TNK2: variants seen among roughly 807,000 people sequenced by gnomAD.
TNK2 encodes tyrosine kinase non receptor 2.
Under a neutral mutation model 101.8 loss-of-function variants are expected in TNK2, and 83 were observed. The ratio of observed to expected loss-of-function variants is 0.82; its 90% confidence interval spans 0.68 to 0.98. The LOEUF (loss-of-function observed/expected upper bound fraction) is 0.98, where lower values mean the gene tolerates loss of function less well. Ranked by LOEUF, TNK2 falls within the 50% of genes least tolerant of loss-of-function variation. The probability of loss-of-function intolerance (pLI) is 0.00; values close to 1 mark genes in which losing one functional copy is unlikely to be tolerated. For synonymous variants in TNK2, 804 were observed against 633.0 expected, an observed-to-expected ratio of 1.27 and a Z score of -4.06; for missense variants, 1,665 against 1,483.2, an observed-to-expected ratio of 1.12 and a Z score of -2.01.
intron 1 of TNK2, among the ~76,000 whole-genome samples, chr3:195,890,272 C>G (rs1486443591): frequency 6.6e-6 from 1 of 152,052 alleles, no homozygotes; most frequent in African/African-American, 2.4e-5. Flanking sequence ...TTTGGGGGGG[C>G]CTTAGTGACA....
At chr3:195,897,362 C>CT (rs1410407345) in intron 1 of TNK2, among the ~76,000 whole-genome samples, 1 of 152,236 alleles carries the variant, frequency 6.6e-6, no homozygotes, top group Non-Finnish European at 1.5e-5. Flanking sequence ...CATGACTGTC[C>CT]ATAGTCTCTC....
At position 195,867,620 on chromosome 3, in the gene TNK2, T is replaced by C; in HGVS notation, c.2678A>G (p.Glu893Gly). Residue 893 changes from glutamate (E) to glycine (G), a missense_variant, in exon 13 of 16, where the codon GAG becomes GGG. Glu to Gly is a moderately conservative substitution (Grantham distance 98, BLOSUM62 -2). Transcript: ENST00000672887. Reference sequence around the variant, plus strand: ...GGTAGGCTCCTCGGGGCTCTGGGCCTCACGCAGGAAGCGCTGGTAGCGCTC... The same window carrying C: ...GGTAGGCTCCTCGGGGCTCTGGGCCCCACGCAGGAAGCGCTGGTAGCGCTC... ...YLERYQRFLR[E>G]AQSPEEPTPL... is the part of the protein sequence containing the mutation. The C allele has an allele frequency of 6.3e-7, 1 of 1,599,078 alleles. No individual in the cohort carries two copies. The highest frequency in any genetic ancestry group is 8.5e-7 in the Non-Finnish European group (1 of 1,179,214).
intron 11 of TNK2, 101 bp from the exon 12 acceptor site, chr3:195,869,642 G>T: frequency 8.3e-7 from 1 of 1,198,042 alleles, no homozygotes; most frequent in East Asian, 2.5e-5. Context: ...GAGAGACGAA[G>T]GGAGAGAAGT....
At chr3:195,865,833 G>A (rs1260699649) in intron 15 of TNK2, among the ~76,000 whole-genome samples, 2 of 152,186 alleles carry the variant, frequency 1.3e-5, no homozygotes, top group Admixed American at 6.5e-5. Context: ...GGCGTGCTGG[G>A]CGCAATAAGA....
intron 1 of TNK2, chr3:195,894,715 A>G (rs1188752652): frequency 2.0e-5 from 3 of 152,466 alleles, no homozygotes; most frequent in African/African-American, 7.2e-5. Context: ...CTCCTCGCCC[A>G]GGAAAACAGC....
At chr3:195,902,610 TCC>T (rs1761317128) in intron 1 of TNK2, among the ~76,000 whole-genome samples, 1 of 101,824 alleles carries the variant, frequency 9.8e-6, no homozygotes, top group Admixed American at 1.3e-4. Context: ...AGAGCAAGAC[TCC>T]GTCTCAAAAA....
intron 1 of TNK2, among the ~76,000 whole-genome samples, chr3:195,889,279 T>C (rs747526365): frequency 6.6e-6 from 1 of 152,200 alleles, no homozygotes; most frequent in South Asian, 2.1e-4. Context: ...TCAATGGTTG[T>C]CAGAAGAAAC....
At chr3:195,873,500 CG>C (rs1370539360) in intron 9 of TNK2, among the ~76,000 whole-genome samples, 2 of 151,256 alleles carry the variant, frequency 1.3e-5, no homozygotes, top group Non-Finnish European at 3.0e-5. Context: ...TCTGGGCAGG[CG>C]GGGGCGGTGA....
chr3:195,907,517 G>C (rs1276498857), intron 1 of TNK2, among the ~76,000 whole-genome samples: 7 of 152,182 alleles, frequency 4.6e-5, no homozygotes, highest in Admixed American at 2.0e-4. Context: ...CCCCACCCAG[G>C]GGCAGGGGAA....
chr3:195,867,184 A>G lies in TNK2; in HGVS notation c.3018T>C (p.Ala1006=), dbSNP rs1319267918. ...GTGGCGGTACCTTCAGATACTGGGC[A>G]GCCCTCTGCACGCTCCAGCCGTGGC... ...LQCHGWSVQR[A]AQYLKVEQLF... The change falls in exon 14 of 16, where the codon GCT becomes GCC. Residue 1006 remains alanine (A), a synonymous_variant. Transcript: ENST00000672887. 6.2e-7 allele frequency: 1 copy of G among 1,612,900 alleles called. No individual in the cohort carries two copies. Among genetic ancestry groups the G allele is most frequent in the Non-Finnish European group, 8.5e-7 (1 of 1,179,876 alleles).
At chr3:195,892,266 AGGCCACTT>A in intron 1 of TNK2, 1 of 810,104 alleles carries the variant, frequency 1.2e-6, no homozygotes, top group Non-Finnish European at 1.9e-6. Context: ...GCCGCAGGAG[AGGCCACTT>A]GGCCCGGACT....
At chr3:195,889,513 C>A (rs1377343063) in intron 1 of TNK2, among the ~76,000 whole-genome samples, 1 of 152,164 alleles carries the variant, frequency 6.6e-6, no homozygotes, top group African/African-American at 2.4e-5. Context: ...CTCTGTTGTC[C>A]CTACACGAAT....
In TNK2 at chr3:195,895,568, C is replaced by T. The variant is rs369888995; in HGVS notation, c.-18-6962G>A. ...AGCTCCGTTCCTCCTCTCCGGGGCG[C>T]GGCTCCCACCCTCTCCCAGTGAGCC... On this transcript the variant is annotated intron_variant, in intron 1 of 15. Transcript: ENST00000672887. 3.6e-5 allele frequency: 48 copies of T among 1,321,958 alleles called. 1 individual carries two copies. In the East Asian group the frequency reaches 6.6e-4, roughly 18 times the overall value. 81.9% of individuals were successfully genotyped at this position (1,321,958 alleles called of 1,614,324 possible). A position where few individuals can be genotyped will look rare whatever the true frequency, so the allele number is the denominator to read the frequency against.
intron 15 of TNK2, among the ~76,000 whole-genome samples, chr3:195,866,223 G>A (rs1740763504): frequency 1.3e-5 from 2 of 150,840 alleles, no homozygotes; most frequent in Non-Finnish European, 2.9e-5. Context: ...TTTTTTTGGA[G>A]ACAGTCTCCC....
At chr3:195,887,665 T>C (rs1448705932) in intron 2 of TNK2, among the ~76,000 whole-genome samples, 1 of 152,256 alleles carries the variant, frequency 6.6e-6, no homozygotes, top group African/African-American at 2.4e-5. Flanking sequence ...TTTTAGATGC[T>C]ACAACCCCCA....
At chr3:195,868,874 C>T (rs1742791909) in intron 12 of TNK2, 165 bp from the exon 13 acceptor site, 2 of 740,994 alleles carry the variant, frequency 2.7e-6, no homozygotes, top group East Asian at 3.0e-5. Context: ...TCTCAGCGCA[C>T]CTCCGACCAC....
chr3:195,879,250 CATG>C, intron 6 of TNK2, 75 bp from the exon 7 acceptor site: 4 of 1,585,520 alleles, frequency 2.5e-6, no homozygotes, highest in Non-Finnish European at 3.4e-6. Flanking sequence ...TTAAAACACT[CATG>C]CAGCAAACAC....
chr3:195,885,598 G>A lies in TNK2; in HGVS notation c.235-565C>T, dbSNP rs1755261558. 7.0e-6 allele frequency: 9 copies of A among 1,289,496 alleles called. 1 individual carries two copies. In the South Asian group the frequency reaches 8.6e-5, roughly 12 times the overall value. The allele number at this position is 1,289,496 out of a possible 1,614,324, so 79.9% of individuals were successfully genotyped here. Reference sequence around the variant, plus strand: ...GAGGTTGAACCGTGAGTGTGTGTGTGGTTCAGATGAAGCTAGTCCTTGCTG... The same window carrying A: ...GAGGTTGAACCGTGAGTGTGTGTGTAGTTCAGATGAAGCTAGTCCTTGCTG... On this transcript the variant is annotated intron_variant, in intron 3 of 15. Transcript: ENST00000672887. This position sits in a 1 kb window ranked among gnomAD's most constrained non-coding sequence, Gnocchi z 4.7.
chr3:195,872,188 A>G, intron 10 of TNK2, 88 bp downstream of exon 10: 1 of 1,430,928 alleles, frequency 7.0e-7, no homozygotes, highest in Non-Finnish European at 9.5e-7. Context: ...GAAAGGGTGA[A>G]GAGCAGATTC....
Sources: gnomAD v4.1 joint callset for allele counts (sites outside exome capture counted in the v4.1 genomes callset) on GRCh38, gnomAD v4.1.1 for gene constraint, Gnocchi (gnomAD v3.1) non-coding constraint, MANE v1.5 for transcripts, NCBI Gene and HGNC (gene_info 2026-07-23, HGNC 2026-07-21) for gene names.